The following CTNND2 variants were observed in gnomAD, a reference collection of about 807,000 sequenced individuals.
The protein encoded by CTNND2 is catenin delta 2, also known as catenin delta-2.
CTNND2 carries 22 observed loss-of-function variants against 144.4 expected under a neutral mutation model. The ratio of observed to expected loss-of-function variants is 0.15; its 90% CI spans 0.11 to 0.22. The LOEUF (loss-of-function observed/expected upper bound fraction) is 0.22. Ranked by LOEUF, CTNND2 falls within the 10% of genes least tolerant of loss-of-function variation. The pLI is 1.00. For missense variants in CTNND2, 1,353 were observed against 1,618.8 expected (o/e 0.84, Z 2.82); for synonymous variants, 751 against 695.6 (o/e 1.08, Z -1.25).
intron 1 of CTNND2, among the ~76,000 whole-genome samples, chr5:11,821,294 T>C (rs1793292243): frequency 6.6e-6 from 1 of 152,194 alleles, no homozygotes; most frequent in Non-Finnish European, 1.5e-5. Context: ...AGTATTTAAA[T>C]GTGTAGTCTG....
chr5:11,877,397 A>G (rs138737667), intron 1 of CTNND2, among the ~76,000 whole-genome samples: 16 of 152,244 alleles, frequency 1.1e-4, no homozygotes, highest in Middle Eastern at 3.4e-3. Context: ...ATTGGCATCC[A>G]GTTATAAACA....
chr5:11,830,583 T>G (rs1053669159), intron 1 of CTNND2, among the ~76,000 whole-genome samples: 1 of 152,232 alleles, frequency 6.6e-6, no homozygotes, highest in Admixed American at 6.5e-5. Context: ...CATGTGGAAC[T>G]GTAAGTCCAT....
At chr5:11,263,685 C>T (rs1187406825) in intron 9 of CTNND2, among the ~76,000 whole-genome samples, 1 of 152,188 alleles carries the variant, frequency 6.6e-6, no homozygotes, top group Non-Finnish European at 1.5e-5. Context: ...CAGTATGAGC[C>T]TTGAATTCAT....
intron 1 of CTNND2, among the ~76,000 whole-genome samples, chr5:11,852,614 A>C (rs1371751747): frequency 6.6e-6 from 1 of 152,272 alleles, no homozygotes; most frequent in Non-Finnish European, 1.5e-5. Context: ...TACACATCTC[A>C]TGAAAAGATA....
At chr5:11,870,991 G>C (rs1365461426) in intron 1 of CTNND2, among the ~76,000 whole-genome samples, 1 of 152,132 alleles carries the variant, frequency 6.6e-6, no homozygotes, top group Non-Finnish European at 1.5e-5. Context: ...TGGAGACAGG[G>C]GTCTTTGGCA....
rs190710424 is a variant in CTNND2, at chr5:11,800,062, G to A, written c.38-67790C>T. Among the ~76,000 whole-genome samples the A allele has an allele frequency of 4.5e-3, 682 of 152,168 alleles. 9 individuals carry two copies. The highest frequency in any genetic ancestry group is 0.016 in the African/African-American group (655 of 41,538). ...TGAATTCATTTCTCTTAGCCTCACT[G>A]TACTTTTTCTAAAATTTAAGCAATG... On this transcript the variant is annotated intron_variant, in intron 1 of 21. Transcript: ENST00000304623.
intron 1 of CTNND2, among the ~76,000 whole-genome samples, chr5:11,832,166 C>A (rs1210574915): frequency 6.6e-6 from 1 of 152,082 alleles, no homozygotes; most frequent in African/African-American, 2.4e-5. Context: ...CGCCTGTAGT[C>A]CCAGCTACTT....
rs145780606 is a variant in CTNND2 at position 11,559,292 on chromosome 5, C to T, written c.287+5652G>A. On this transcript the variant is annotated intron_variant, in intron 3 of 21. Transcript: ENST00000304623. Reference sequence around the variant, plus strand: ...CAGGTGAATGCTTGGGAATCAGAGACGTTGACTTAGGGTCATGGCACCATT... The same window carrying T: ...CAGGTGAATGCTTGGGAATCAGAGATGTTGACTTAGGGTCATGGCACCATT... Among the ~76,000 whole-genome samples the T allele has an allele frequency of 2.9e-3, 445 of 152,102 alleles. 2 individuals are homozygous for T. The highest frequency in any genetic ancestry group is 0.01 in the African/African-American group (428 of 41,466).
intron 1 of CTNND2, among the ~76,000 whole-genome samples, chr5:11,883,608 C>A (rs1409159968): frequency 1.3e-5 from 2 of 152,138 alleles, no homozygotes; most frequent in Admixed American, 1.3e-4. Flanking sequence ...GGTTCCAAGT[C>A]TTTGCTGTTG....
At chr5:11,807,250 C>T (rs1206364159) in intron 1 of CTNND2, among the ~76,000 whole-genome samples, 2 of 152,124 alleles carry the variant, frequency 1.3e-5, no homozygotes, top group Non-Finnish European at 2.9e-5. Flanking sequence ...CCCTTGGTTA[C>T]TCCCATATCT....
At chr5:11,008,651 G>T (rs1176496648) in intron 18 of CTNND2, among the ~76,000 whole-genome samples, 6 of 152,298 alleles carry the variant, frequency 3.9e-5, no homozygotes, top group African/African-American at 1.2e-4. Flanking sequence ...CCACTTTCTC[G>T]AAGTCTTAGA....
intron 3 of CTNND2, among the ~76,000 whole-genome samples, chr5:11,432,572 T>C (rs1282306236): frequency 1.3e-5 from 2 of 152,236 alleles, no homozygotes; most frequent in Non-Finnish European, 2.9e-5. Context: ...TTCTTTTAGT[T>C]CTGCTGTGGT....
chr5:11,039,094 G>A (rs184508980), intron 16 of CTNND2, among the ~76,000 whole-genome samples: 9 of 152,288 alleles, frequency 5.9e-5, no homozygotes, highest in Non-Finnish European at 7.4e-5. Flanking sequence ...AAGCAAGCAA[G>A]CAAACAAACA....
chr5:11,733,333 A>G lies in CTNND2; in HGVS notation c.38-1061T>C, dbSNP rs892868596. Among the ~76,000 whole-genome samples, 12 of 152,192 alleles carry G rather than the reference A, an allele frequency of 7.9e-5. No individual in the cohort carries two copies. In the East Asian group the frequency reaches 2.1e-3, roughly 27 times the overall value. Reference sequence around the variant, plus strand: ...TGGATAGTGTAGTAGATAGTGTCGGACTGATAGAGTAGATAGTGTCAGAAC... The same window carrying G: ...TGGATAGTGTAGTAGATAGTGTCGGGCTGATAGAGTAGATAGTGTCAGAAC... On this transcript the variant is annotated intron_variant, in intron 1 of 21. Transcript: ENST00000304623.
intron 9 of CTNND2, among the ~76,000 whole-genome samples, chr5:11,244,605 A>AT (rs1005061887): frequency 2.5e-4 from 38 of 152,094 alleles, no homozygotes; most frequent in African/African-American, 7.5e-4. Context: ...AATTAATCAC[A>AT]TTTTTTCAAA....
At chr5:11,022,650 A>C in intron 17 of CTNND2, 119 bp downstream of exon 17, 1 of 769,118 alleles carries the variant, frequency 1.3e-6, no homozygotes, top group Non-Finnish European at 2.2e-6. Context: ...CCTTCTCTTG[A>C]TTCTCAGAGA....
chr5:11,313,771 G>A (rs1480186937), intron 9 of CTNND2, among the ~76,000 whole-genome samples: 2 of 152,212 alleles, frequency 1.3e-5, no homozygotes, highest in Non-Finnish European at 2.9e-5. Context: ...AAGAAAAGAG[G>A]TTTAATTGGC....
chr5:11,172,521 C>T (rs949220333), intron 11 of CTNND2, among the ~76,000 whole-genome samples: 1 of 152,170 alleles, frequency 6.6e-6, no homozygotes. Flanking sequence ...TTCAATCTCA[C>T]AAACATTCAG....
intron 3 of CTNND2, among the ~76,000 whole-genome samples, chr5:11,480,791 G>T (rs955401561): frequency 6.6e-6 from 1 of 152,080 alleles, no homozygotes; most frequent in Non-Finnish European, 1.5e-5. Flanking sequence ...AAGCGTTGAT[G>T]TCAGGTGAGC....
Sources: allele counts gnomAD v4.1 joint callset (sites outside exome capture counted in the v4.1 genomes callset), GRCh38; gene constraint gnomAD v4.1.1; transcripts MANE v1.5; gene names NCBI Gene and HGNC (gene_info 2026-07-23, HGNC 2026-07-21).